Variants in PCDH15 observed in about 807,000 individuals in gnomAD.
PCDH15 encodes the protein protocadherin-15.
In PCDH15, 129 loss-of-function variants were observed where a neutral mutation model predicts 178.5. That is an observed-to-expected ratio of 0.72 (90% confidence interval 0.63 to 0.84). PCDH15 has a LOEUF of 0.84. PCDH15 is among the 40% of genes least tolerant of loss of function. The pLI, the probability that PCDH15 is intolerant of heterozygous loss-of-function variation, is 0.00. For synonymous variants in PCDH15, 800 were observed against 732.0 expected (o/e 1.09, Z -1.50); for missense variants, 2,230 against 2,099.9 (o/e 1.06, Z -1.21).
At chr10:54,902,277 A>G (rs1328986323) in intron 2 of PCDH15, among the ~76,000 whole-genome samples, 1 of 152,158 alleles carries the variant, frequency 6.6e-6, no homozygotes, top group African/African-American at 2.4e-5. Context: ...CTGATACACC[A>G]CTGATACTGT....
Position 54,195,761 on chromosome 10 carries a change from T to C in PCDH15, c.1227A>G (p.Pro409=). Reference sequence around the variant, plus strand: ...GACTGTCCGAAATGGTTGCTCCCACTGGGGCAGATTCCAGGATATAGCCTT... The same window carrying C: ...GACTGTCCGAAATGGTTGCTCCCACCGGGGCAGATTCCAGGATATAGCCTT... ...SYQGYILESA[P]VGATISDSLN... The change falls in exon 11 of 38, where the codon CCA becomes CCG. Residue 409 remains proline, a synonymous_variant. Coordinates refer to ENST00000644397, the MANE Select transcript of PCDH15 (RefSeq NM_001384140.1). 6.2e-7 allele frequency: 1 copy of C among 1,614,146 alleles called. No individual in the cohort carries two copies. Among genetic ancestry groups the C allele is most frequent in the Non-Finnish European group, 8.5e-7 (1 of 1,180,004 alleles).
At chr10:55,437,114 T>A (rs1172422384) in intron 2 of PCDH15, among the ~76,000 whole-genome samples, 2 of 152,152 alleles carry the variant, frequency 1.3e-5, no homozygotes, top group Non-Finnish European at 2.9e-5. Context: ...ACAATTTGAA[T>A]CTCTCCATCT....
At chr10:55,132,972 T>A (rs763014806) in intron 2 of PCDH15, among the ~76,000 whole-genome samples, 2 of 152,156 alleles carry the variant, frequency 1.3e-5, no homozygotes, top group Non-Finnish European at 1.5e-5. Context: ...AAGTAAAGCA[T>A]GGAAACATTT....
intron 23 of PCDH15, among the ~76,000 whole-genome samples, chr10:53,953,701 T>G (rs1315286671): frequency 6.6e-6 from 1 of 152,214 alleles, no homozygotes; most frequent in Non-Finnish European, 1.5e-5. Flanking sequence ...AGTATAGGGT[T>G]GTCTTTGTAA....
intron 8 of PCDH15, among the ~76,000 whole-genome samples, chr10:54,291,629 C>A (rs2059413924): frequency 6.6e-6 from 1 of 152,156 alleles, no homozygotes; most frequent in African/African-American, 2.4e-5. Flanking sequence ...TAAAAAATGA[C>A]AAAGTGGATA....
chr10:54,818,881 G>A (rs1223657699), intron 3 of PCDH15, among the ~76,000 whole-genome samples: 2 of 151,942 alleles, frequency 1.3e-5, no homozygotes, highest in South Asian at 2.1e-4. Flanking sequence ...ATGAGGCACC[G>A]ATTTTTCTTA....
intron 25 of PCDH15, among the ~76,000 whole-genome samples, chr10:53,922,086 G>T (rs1428585533): frequency 6.6e-6 from 1 of 151,726 alleles, no homozygotes; most frequent in African/African-American, 2.4e-5. Context: ...ACATTATCCG[G>T]TTGTCAATCA....
At chr10:53,895,166 G>A (rs571091610) in intron 26 of PCDH15, among the ~76,000 whole-genome samples, 29 of 152,166 alleles carry the variant, frequency 1.9e-4, no homozygotes, top group Admixed American at 2.0e-4. Flanking sequence ...GAGCCCCCAG[G>A]AGCCCTAACC....
chr10:54,192,148 G>GAA (rs1257156228), intron 11 of PCDH15, among the ~76,000 whole-genome samples: 800 of 73,634 alleles, frequency 0.011, 12 homozygotes, highest in African/African-American at 0.059. Flanking sequence ...GAGAAAGAAA[G>GAA]AAAGAAAAAG....
At chr10:54,317,569 G>T (rs1187584406) in intron 7 of PCDH15, 128 bp from the exon 8 acceptor site, 2 of 1,025,434 alleles carry the variant, frequency 2.0e-6, no homozygotes, top group African/African-American at 1.6e-5. Flanking sequence ...GAGGTCAGGG[G>T]TTTGATACCA....
intron 23 of PCDH15, among the ~76,000 whole-genome samples, chr10:53,955,740 A>G (rs1259409701): frequency 6.6e-6 from 1 of 152,182 alleles, no homozygotes; most frequent in Non-Finnish European, 1.5e-5. Context: ...ACTAGGAGCA[A>G]TCCCAACACG....
intron 2 of PCDH15, among the ~76,000 whole-genome samples, chr10:55,331,718 C>G (rs1324425883): frequency 6.6e-6 from 1 of 152,084 alleles, no homozygotes; most frequent in Non-Finnish European, 1.5e-5. Flanking sequence ...CACAAATGGT[C>G]TGAAAGAGTG....
intron 25 of PCDH15, 59 bp from the exon 26 acceptor site, chr10:53,903,429 A>T: frequency 1.3e-6 from 2 of 1,594,070 alleles, no homozygotes; most frequent in Non-Finnish European, 1.7e-6. Context: ...GAAAAAATGC[A>T]CTGAAGTAAA....
intron 15 of PCDH15, among the ~76,000 whole-genome samples, chr10:54,096,222 G>T (rs570224030): frequency 2.1e-4 from 32 of 151,774 alleles, no homozygotes; most frequent in Middle Eastern, 3.4e-3. Context: ...CTGCTTGCTT[G>T]AACCAACACC....
chr10:54,769,757 A>G (rs936951174), intron 1 of PCDH15, among the ~76,000 whole-genome samples: 1 of 152,082 alleles, frequency 6.6e-6, no homozygotes, highest in Admixed American at 6.6e-5. Context: ...TGTATCCCTC[A>G]ACAGTATTTC....
intron 2 of PCDH15, among the ~76,000 whole-genome samples, chr10:55,420,643 G>A (rs1002232392): frequency 2.0e-5 from 3 of 151,520 alleles, no homozygotes; most frequent in African/African-American, 7.3e-5. Flanking sequence ...AAGGTCCACC[G>A]ATTAACATAA....
intron 28 of PCDH15, among the ~76,000 whole-genome samples, chr10:53,849,116 T>C (rs896937978): frequency 1.3e-5 from 2 of 152,112 alleles, no homozygotes; most frequent in African/African-American, 4.8e-5. Context: ...CTCCAAAAGT[T>C]TGAATACTAA....
intron 28 of PCDH15, among the ~76,000 whole-genome samples, chr10:53,848,883 CA>C (rs1207722379): frequency 3.3e-5 from 5 of 151,888 alleles, no homozygotes; most frequent in African/African-American, 9.7e-5. Flanking sequence ...TTTCATAGTG[CA>C]AATAAAGGCA....
intron 2 of PCDH15, among the ~76,000 whole-genome samples, chr10:55,337,888 A>G (rs1844439143): frequency 6.6e-6 from 1 of 152,208 alleles, no homozygotes; most frequent in Admixed American, 6.5e-5. Flanking sequence ...ACAGAATGGG[A>G]GAAAATCTTT....
Sources: allele counts gnomAD v4.1 joint callset (sites outside exome capture counted in the v4.1 genomes callset), GRCh38; gene constraint gnomAD v4.1.1; transcripts MANE v1.5; gene names NCBI Gene and HGNC (gene_info 2026-07-23, HGNC 2026-07-21).